CPSF4: variants seen among roughly 807,000 people sequenced by gnomAD.
The protein encoded by CPSF4 is cleavage and polyadenylation specific factor 4.
In CPSF4, 11 loss-of-function variants were observed where a neutral mutation model predicts 37.7. The ratio of observed to expected loss-of-function variants is 0.29; its 90% CI spans 0.18 to 0.48. The LOEUF is 0.48. CPSF4 is among the 20% of genes least tolerant of loss of function. The pLI is 0.99. For missense variants in CPSF4, 144 were observed against 359.5 expected, an observed-to-expected ratio of 0.40 and a Z score of 4.85; for synonymous variants, 132 against 135.9, an observed-to-expected ratio of 0.97 and a Z score of 0.20.
At chr7:99,439,315 C>G (rs73711278) in intron 1 of CPSF4, 130 bp downstream of exon 1, 1 of 634,540 alleles carries the variant, frequency 1.6e-6, no homozygotes, top group Non-Finnish European at 2.6e-6. Flanking sequence ...GGACCCCTCC[C>G]CTTTGGTCGC....
At chr7:99,443,177 T>TA (rs1797175389) in intron 1 of CPSF4, 1 of 784,120 alleles carries the variant, frequency 1.3e-6, no homozygotes, top group South Asian at 1.3e-5. Flanking sequence ...AGCTCACAGG[T>TA]ACACTGAATT....
intron 1 of CPSF4, among the ~76,000 whole-genome samples, chr7:99,443,657 G>A (rs1247828213): frequency 2.6e-5 from 4 of 152,110 alleles, no homozygotes; most frequent in South Asian, 4.1e-4. Flanking sequence ...GGTGGCTCAC[G>A]TCTATAATCC....
intron 3 of CPSF4, among the ~76,000 whole-genome samples, chr7:99,449,716 T>C (rs920581699): frequency 6.6e-5 from 10 of 152,092 alleles, no homozygotes; most frequent in African/African-American, 2.2e-4. Context: ...GACAAGTGCT[T>C]TGAAGGAAGG....
rs1232443087 is a variant in CPSF4 at position 99,440,668 on chromosome 7, ATATATATT to A, written c.103+1485_103+1492del. On this transcript the variant is annotated intron_variant, in intron 1 of 7. Coordinates refer to ENST00000292476, the MANE Select transcript of CPSF4 (RefSeq NM_006693.4). ...CACTGCACCTGGCATATATATATATATATATATTTTTTTTTTTTTTTTTTTCCTGCCTG... is the reference window on the plus strand; with the variant it reads ...CACTGCACCTGGCATATATATATATATTTTTTTTTTTTTTTTTCCTGCCTG... Among the ~76,000 whole-genome samples, 552 of 84,760 alleles carry A rather than the reference ATATATATT, an allele frequency of 6.5e-3. 19 individuals carry two copies. Among genetic ancestry groups the A allele is most frequent in the African/African-American group, 0.054 (517 of 9,514 alleles). The allele number at this position is 84,760 out of a possible 152,430, so 55.6% of individuals were successfully genotyped here. A position where few individuals can be genotyped will look rare whatever the true frequency, so the allele number is the denominator to read the frequency against.
At chr7:99,447,109 GCTTACTTA>G (rs34079237) in intron 2 of CPSF4, among the ~76,000 whole-genome samples, 1 of 149,594 alleles carries the variant, frequency 6.7e-6, no homozygotes, top group Non-Finnish European at 1.5e-5. Flanking sequence ...TGCTTGGCTG[GCTTACTTA>G]CTTACTTACT....
chr7:99,446,455 C>T (rs1321501234), intron 2 of CPSF4, among the ~76,000 whole-genome samples: 2 of 152,120 alleles, frequency 1.3e-5, no homozygotes, highest in African/African-American at 2.4e-5. Context: ...TCATTCTGGT[C>T]GGACCTCCAT....
At chr7:99,439,648 G>A (rs1796701801) in intron 1 of CPSF4, 1 of 154,500 alleles carries the variant, frequency 6.5e-6, no homozygotes, top group Non-Finnish European at 1.4e-5. Context: ...TTGAATAAGG[G>A]TGGGTTATCC....
At chr7:99,452,271 C>G in intron 5 of CPSF4, 97 bp from the exon 6 acceptor site, 2 of 1,058,906 alleles carry the variant, frequency 1.9e-6, no homozygotes, top group South Asian at 2.7e-5. Flanking sequence ...TGTGATTTTC[C>G]TAGGGCTGGA....
intron 1 of CPSF4, among the ~76,000 whole-genome samples, chr7:99,444,538 A>T (rs1000889385): frequency 6.6e-6 from 1 of 152,070 alleles, no homozygotes; most frequent in East Asian, 1.9e-4. Flanking sequence ...AAAGGATCTT[A>T]TATACAGGAG....
At chr7:99,442,655 C>CAA (rs751146641) in intron 1 of CPSF4, among the ~76,000 whole-genome samples, 3,719 of 52,198 alleles carry the variant, frequency 0.071, 589 homozygotes, top group African/African-American at 0.21. Context: ...GACTCCGTCT[C>CAA]AAAAAAAAAA....
chr7:99,456,136 G>C (rs1238848570), intron 7 of CPSF4, among the ~76,000 whole-genome samples: 2 of 152,226 alleles, frequency 1.3e-5, no homozygotes, highest in South Asian at 2.1e-4. Context: ...GTGTCCAGGT[G>C]GGAGAGTTGT....
chr7:99,439,329 A>C, intron 1 of CPSF4, 144 bp downstream of exon 1: 10 of 572,648 alleles, frequency 1.7e-5, no homozygotes, highest in East Asian at 6.5e-5. Context: ...TGGTCGCAGG[A>C]CTCCTCCCTC....
chr7:99,441,782 T>C lies in CPSF4; in HGVS notation c.103+2597T>C, dbSNP rs187335101. Among the ~76,000 whole-genome samples, 488 of 152,168 alleles carry C rather than the reference T, an allele frequency of 3.2e-3. 3 individuals are homozygous for C. The highest frequency in any genetic ancestry group is 0.011 in the African/African-American group (444 of 41,498). On this transcript the variant is annotated intron_variant, in intron 1 of 7. Transcript: ENST00000292476. ...ATCTTGGCTCACTGCAACCTCTGCC[T>C]CTGGGTTCAAGTGATTCTCCTGCCT...
At chr7:99,452,524 CT>C in intron 6 of CPSF4, 84 bp downstream of exon 6, 1 of 1,255,858 alleles carries the variant, frequency 8.0e-7, no homozygotes. Flanking sequence ...TGTGGTCTGC[CT>C]TAGACCCCGC....
At chr7:99,441,613 C>G (rs977401499) in intron 1 of CPSF4, 1 of 442,286 alleles carries the variant, frequency 2.3e-6, no homozygotes, top group Non-Finnish European at 4.6e-6. Context: ...CCACATGAGA[C>G]TCAGTTCCCA....
chr7:99,452,367 G>A lies in CPSF4; in HGVS notation c.498-1G>A. ...CATCCCCTCTGGCTGCTGGTGACCA[G>A]CCCTCGATTTGAACTGCCCATGGGA... On this transcript the variant is annotated splice_acceptor_variant, in intron 5 of 7. Transcript: ENST00000292476. LOFTEE classifies it high-confidence loss of function. 1 of 1,613,732 alleles carries A rather than the reference G, an allele frequency of 6.2e-7. No individual in the cohort carries two copies. Among genetic ancestry groups the A allele is most frequent in the Non-Finnish European group, 8.5e-7 (1 of 1,179,784 alleles).
Position 99,453,979 on chromosome 7 carries a change from C to T in CPSF4, c.584C>T (p.Pro195Leu), listed in dbSNP as rs149850144. 5.6e-6 allele frequency: 9 copies of T among 1,613,836 alleles called. No homozygotes were observed. Among genetic ancestry groups the T allele is most frequent in the Admixed American group, 5.0e-5 (3 of 59,928 alleles). ...AACTCTTTCCAGCAAAGTAACAATC[C>T]GCCATTACAAAGGTCGTCCTCCTTG... ...TQPPAKQSNN[P>L]PLQRSSSLIQ... The change falls in exon 7 of 8, where the codon CCG becomes CTG. Residue 195 changes from proline (P) to leucine (L), a missense_variant. By Grantham distance (98) the Pro-to-Leu change is moderately conservative (BLOSUM62 -3). This residue lies in a region of CPSF4 where 86 missense variants were observed against 141.5 expected (regional missense o/e 0.61). Transcript: ENST00000292476. The surrounding 1 kb of genome is among the most constrained non-coding windows in gnomAD (Gnocchi z 4.7).
intron 5 of CPSF4, among the ~76,000 whole-genome samples, chr7:99,451,430 C>T (rs1266092805): frequency 6.6e-6 from 1 of 152,180 alleles, no homozygotes; most frequent in Non-Finnish European, 1.5e-5. Context: ...TATGGTGAAA[C>T]CCCGTCTCTA....
At position 99,452,391 on chromosome 7, in the gene CPSF4, GAAC is replaced by G. The variant is rs755941860; in HGVS notation, c.522_524del (p.Thr176del). On this transcript the variant is annotated inframe_deletion, in exon 6 of 8. Coordinates refer to ENST00000292476, the MANE Select transcript of CPSF4 (RefSeq NM_006693.4). ...AGCCCTCGATTTGAACTGCCCATGG[GAAC>G]CACCGAGCAGCCCCCACTGCCGCAG... The G allele has an allele frequency of 6.2e-7, 1 of 1,613,858 alleles. No homozygotes were observed. Among genetic ancestry groups the G allele is most frequent in the African/African-American group, 1.3e-5 (1 of 74,994 alleles).
Sources: allele counts gnomAD v4.1 joint callset (sites outside exome capture counted in the v4.1 genomes callset), GRCh38; gene constraint gnomAD v4.1.1; regional missense constraint gnomAD v4.1.1; non-coding constraint Gnocchi (gnomAD v3.1); transcripts MANE v1.5; gene names NCBI Gene and HGNC (gene_info 2026-07-23, HGNC 2026-07-21).